Variants in CNTN4 observed in about 807,000 individuals in gnomAD.
CNTN4 encodes the protein contactin 4.
Under a neutral mutation model 122.5 loss-of-function variants are expected in CNTN4, and 77 were observed. The observed-to-expected ratio is 0.63, with a 90% CI of 0.52 to 0.76. CNTN4 has a LOEUF of 0.76. CNTN4 is among the 30% of genes least tolerant of loss of function. The pLI is 0.00. For synonymous variants in CNTN4, 512 were observed against 447.0 expected (o/e 1.15, Z -1.83); for missense variants, 1,256 against 1,259.1 (o/e 1.00, Z 0.04).
intron 4 of CNTN4, among the ~76,000 whole-genome samples, chr3:2,652,013 A>C (rs1229695550): frequency 6.6e-6 from 1 of 151,942 alleles, no homozygotes; most frequent in Non-Finnish European, 1.5e-5. Context: ...GGCCAAAAAA[A>C]AGGTGTTGTT....
intron 8 of CNTN4, among the ~76,000 whole-genome samples, chr3:2,877,339 G>C (rs530615038): frequency 2.0e-5 from 3 of 152,212 alleles, no homozygotes; most frequent in South Asian, 2.1e-4. Flanking sequence ...GTCTTCTAAA[G>C]ACTTTGATAT....
At chr3:2,137,347 A>C (rs911486089) in intron 2 of CNTN4, among the ~76,000 whole-genome samples, 1 of 152,190 alleles carries the variant, frequency 6.6e-6, no homozygotes, top group Non-Finnish European at 1.5e-5. Flanking sequence ...ATACATCAGC[A>C]ATGGGCACTG....
chr3:2,779,667 G>T (rs890669889), intron 6 of CNTN4, among the ~76,000 whole-genome samples: 1 of 152,118 alleles, frequency 6.6e-6, no homozygotes, highest in Non-Finnish European at 1.5e-5. Flanking sequence ...AAAGCTTAGT[G>T]TTCCCTTCTG....
chr3:2,891,478 A>AT (rs1173316089), intron 10 of CNTN4, among the ~76,000 whole-genome samples: 6 of 152,188 alleles, frequency 3.9e-5, no homozygotes, highest in Non-Finnish European at 8.8e-5. Flanking sequence ...ATTTGATATG[A>AT]TAGAAAGTAG....
intron 2 of CNTN4, among the ~76,000 whole-genome samples, chr3:2,186,692 C>A (rs2037284524): frequency 6.6e-6 from 1 of 152,190 alleles, no homozygotes. Flanking sequence ...TGATGATGAG[C>A]ATTTTTTCAT....
At chr3:2,816,189 C>T (rs2092723583) in intron 6 of CNTN4, among the ~76,000 whole-genome samples, 1 of 150,340 alleles carries the variant, frequency 6.7e-6, no homozygotes. Flanking sequence ...CCCGTCTCTA[C>T]TAAAAATACA....
At chr3:2,314,712 A>T (rs962093508) in intron 2 of CNTN4, among the ~76,000 whole-genome samples, 3 of 152,086 alleles carry the variant, frequency 2.0e-5, no homozygotes, top group African/African-American at 7.2e-5. Flanking sequence ...AATTTGATAC[A>T]AATGTAAAAG....
At chr3:2,658,382 A>T (rs1385032870) in intron 4 of CNTN4, among the ~76,000 whole-genome samples, 2 of 152,132 alleles carry the variant, frequency 1.3e-5, no homozygotes, top group Non-Finnish European at 1.5e-5. Context: ...ACAGACAAGG[A>T]CCCCATCATT....
intron 2 of CNTN4, among the ~76,000 whole-genome samples, chr3:2,161,074 G>A (rs1319445662): frequency 2.0e-5 from 3 of 152,034 alleles, no homozygotes; most frequent in East Asian, 1.9e-4. Context: ...GAGGCTTCTC[G>A]GACAAGTAGG....
In CNTN4 at chr3:2,152,509, G is replaced by A. The variant is rs112434451; in HGVS notation, c.-145+51870G>A. 1.6e-3 allele frequency among the ~76,000 whole-genome samples: 244 copies of A among 152,288 alleles called. 1 individual carries two copies. Among genetic ancestry groups the A allele is most frequent in the African/African-American group, 5.4e-3 (225 of 41,560 alleles). Reference sequence around the variant, plus strand: ...ACACTCTGGTTGCTCTTACAGGGCCGTGGTAGAGATGATGGGACTTTGTCA... The same window carrying A: ...ACACTCTGGTTGCTCTTACAGGGCCATGGTAGAGATGATGGGACTTTGTCA... On this transcript the variant is annotated intron_variant, in intron 2 of 24. Transcript: ENST00000418658.
In CNTN4 at chr3:2,417,498, G is replaced by A. The variant is rs146251794; in HGVS notation, c.-89+78265G>A. On this transcript the variant is annotated intron_variant, in intron 3 of 24. Coordinates refer to ENST00000418658, the MANE Select transcript of CNTN4 (RefSeq NM_175607.3). ...AGGCTGTGAATTTCTGCTTCATTCC[G>A]ATTCCCTCATTTTAATAACCTGCCA... is the stretch of plus-strand genomic sequence containing the variant. 4.1e-4 allele frequency among the ~76,000 whole-genome samples: 63 copies of A among 152,236 alleles called. No homozygotes were observed. In the East Asian group the frequency reaches 0.012, roughly 28 times the overall value.
chr3:2,943,627 T>TAA, intron 13 of CNTN4, among the ~76,000 whole-genome samples: 1 of 70,180 alleles, frequency 1.4e-5, no homozygotes, highest in African/African-American at 5.1e-5. Context: ...TATATATATA[T>TAA]ATATTTTTTT....
chr3:2,860,075 G>T (rs1018169679), intron 7 of CNTN4, among the ~76,000 whole-genome samples: 1 of 152,228 alleles, frequency 6.6e-6, no homozygotes, highest in African/African-American at 2.4e-5. Flanking sequence ...TGAACAAAGC[G>T]AGTAGTCTCT....
chr3:2,730,794 G>C (rs961961619), intron 4 of CNTN4, among the ~76,000 whole-genome samples: 1 of 151,978 alleles, frequency 6.6e-6, no homozygotes, highest in African/African-American at 2.4e-5. Context: ...TCTCTGCTCA[G>C]CCTCAGCCCA....
chr3:2,135,256 A>T (rs1427256703), intron 2 of CNTN4, among the ~76,000 whole-genome samples: 6 of 152,196 alleles, frequency 3.9e-5, no homozygotes, highest in Non-Finnish European at 7.4e-5. Flanking sequence ...AGCTCGAGAC[A>T]GGAAGAGATG....
rs1701825049 is a variant in CNTN4, at chr3:3,056,741, C to G, written c.*521C>G. ...GTCCGTAACTCAAGGCTGTTGTATG[C>G]AAACTACTCTTCTAGTGGTTAATGC... On this transcript the variant is annotated 3_prime_UTR_variant, in exon 25 of 25. Transcript: ENST00000418658. The G allele has an allele frequency of 6.4e-6, 1 of 155,854 alleles. No homozygotes were observed. Among genetic ancestry groups the G allele is most frequent in the South Asian group, 2.0e-4 (1 of 5,124 alleles). 9.7% of individuals were successfully genotyped at this position (155,854 alleles called of 1,614,324 possible). A position where few individuals can be genotyped will look rare whatever the true frequency, so the allele number is the denominator to read the frequency against.
At chr3:2,911,571 C>T (rs1465618645) in intron 12 of CNTN4, among the ~76,000 whole-genome samples, 4 of 152,082 alleles carry the variant, frequency 2.6e-5, no homozygotes. Context: ...CAAATTATAT[C>T]TACAGAAATC....
intron 14 of CNTN4, among the ~76,000 whole-genome samples, chr3:3,011,406 T>C (rs561767341): frequency 5.9e-5 from 9 of 152,276 alleles, no homozygotes; most frequent in Admixed American, 3.3e-4. Flanking sequence ...TTTTTCACAG[T>C]GTCTGATGAT....
At position 2,924,655 on chromosome 3, in the gene CNTN4, G is replaced by C. The variant is rs372109920; in HGVS notation, c.1208-974G>C. Among the ~76,000 whole-genome samples, 9 of 152,222 alleles carry C rather than the reference G, an allele frequency of 5.9e-5. 1 individual carries two copies. Among genetic ancestry groups the C allele is most frequent in the East Asian group, 3.9e-4 (2 of 5,174 alleles). On this transcript the variant is annotated intron_variant, in intron 12 of 24. Transcript: ENST00000418658. Reference sequence around the variant, plus strand: ...GTATTTCCATAGGACTATGTTACTGGTGTTAGCATGAGTGAATTTTTTAGA... The same window carrying C: ...GTATTTCCATAGGACTATGTTACTGCTGTTAGCATGAGTGAATTTTTTAGA...
Sources: gnomAD v4.1 joint callset for allele counts (sites outside exome capture counted in the v4.1 genomes callset) on GRCh38, gnomAD v4.1.1 for gene constraint, MANE v1.5 for transcripts, NCBI Gene and HGNC (gene_info 2026-07-23, HGNC 2026-07-21) for gene names.